The following ATP6V1H variants were observed in gnomAD, a reference collection of about 807,000 sequenced individuals.
ATP6V1H encodes the protein V-type proton ATPase subunit H.
A neutral mutation model predicts 71.7 loss-of-function variants in ATP6V1H; 39 were observed. The ratio of observed to expected loss-of-function variants is 0.54; its 90% CI spans 0.42 to 0.71. The LOEUF (loss-of-function observed/expected upper bound fraction) is 0.71. ATP6V1H is among the 30% of genes least tolerant of loss of function. ATP6V1H has a pLI of 0.00. For synonymous variants in ATP6V1H, 192 were observed against 199.3 expected (o/e 0.96, Z 0.31); for missense variants, 509 against 594.9 (o/e 0.86, Z 1.50).
intron 13 of ATP6V1H, among the ~76,000 whole-genome samples, chr8:53,724,259 G>T (rs1225600589): frequency 6.6e-6 from 1 of 152,160 alleles, no homozygotes; most frequent in Non-Finnish European, 1.5e-5. Context: ...TGCCAGTGGG[G>T]TAGGTCATAT....
At chr8:53,805,988 G>A (rs1585807876) in intron 7 of ATP6V1H, among the ~76,000 whole-genome samples, 3 of 152,164 alleles carry the variant, frequency 2.0e-5, no homozygotes, top group Admixed American at 1.3e-4. Context: ...GAGTTGAGGT[G>A]AAGGCAGTAG....
intron 6 of ATP6V1H, among the ~76,000 whole-genome samples, chr8:53,813,081 C>T (rs1810335987): frequency 1.3e-5 from 2 of 152,120 alleles, no homozygotes; most frequent in African/African-American, 4.8e-5. Context: ...ATTCTGATCC[C>T]AACCAATATG....
intron 13 of ATP6V1H, among the ~76,000 whole-genome samples, chr8:53,737,759 G>T (rs766198794): frequency 3.9e-5 from 6 of 152,210 alleles, no homozygotes; most frequent in Non-Finnish European, 7.3e-5. Flanking sequence ...ATTTAAAAAT[G>T]TAACTGCTGC....
intron 9 of ATP6V1H, among the ~76,000 whole-genome samples, chr8:53,779,439 A>G (rs1809015227): frequency 6.6e-6 from 1 of 151,620 alleles, no homozygotes; most frequent in Non-Finnish European, 1.5e-5. Flanking sequence ...AGAAGAAATC[A>G]TGATATATGA....
chr8:53,727,318 A>G (rs1044971290), intron 13 of ATP6V1H, among the ~76,000 whole-genome samples: 6 of 152,086 alleles, frequency 3.9e-5, no homozygotes, highest in Admixed American at 6.5e-5. Flanking sequence ...CCTGAAATAT[A>G]CTTGTTTTCC....
intron 9 of ATP6V1H, among the ~76,000 whole-genome samples, chr8:53,782,270 T>G (rs1646343237): frequency 6.6e-6 from 1 of 152,066 alleles, no homozygotes; most frequent in Non-Finnish European, 1.5e-5. Context: ...CCTTGTAAGT[T>G]AGATTCCTAG....
intron 13 of ATP6V1H, among the ~76,000 whole-genome samples, chr8:53,742,301 C>CAG (rs982809331): frequency 7.4e-4 from 112 of 152,262 alleles, no homozygotes; most frequent in African/African-American, 2.6e-3. Context: ...CACTAGGTGC[C>CAG]AGTAGCACCT....
intron 2 of ATP6V1H, among the ~76,000 whole-genome samples, chr8:53,836,480 G>C (rs939854265): frequency 2.0e-4 from 30 of 151,910 alleles, no homozygotes; most frequent in African/African-American, 7.0e-4. Flanking sequence ...CAGCAGGTTC[G>C]GGGCTCTGGT....
At position 53,769,384 on chromosome 8, in the gene ATP6V1H, A is replaced by G. The variant is rs148641348; in HGVS notation, c.1175+234T>C. 5.9e-3 allele frequency among the ~76,000 whole-genome samples: 899 copies of G among 152,294 alleles called. 7 individuals are homozygous for G. Among genetic ancestry groups the G allele is most frequent in the African/African-American group, 0.019 (789 of 41,570 alleles). On this transcript the variant is annotated intron_variant, in intron 11 of 13. Coordinates refer to ENST00000359530, the MANE Select transcript of ATP6V1H (RefSeq NM_015941.4). ...TATATGAGACAACAACTTCATGTTC[A>G]GAATACATATAGAACTCCTGTAGAA... is the stretch of plus-strand genomic sequence containing the variant.
chr8:53,793,952 A>C (rs1014958111), intron 9 of ATP6V1H, among the ~76,000 whole-genome samples: 1 of 152,172 alleles, frequency 6.6e-6, no homozygotes, highest in African/African-American at 2.4e-5. Context: ...AAACAAAAAA[A>C]AGTGTACAAA....
intron 12 of ATP6V1H, among the ~76,000 whole-genome samples, chr8:53,751,729 G>A (rs889103145): frequency 4.0e-5 from 6 of 151,000 alleles, no homozygotes; most frequent in African/African-American, 9.8e-5. Flanking sequence ...GAGTACAGTC[G>A]CGCAGCCTAG....
chr8:53,817,888 G>C lies in ATP6V1H; in HGVS notation c.307-358C>G, dbSNP rs369613445. Among the ~76,000 whole-genome samples, 147 of 151,882 alleles carry C rather than the reference G, an allele frequency of 9.7e-4. No homozygotes were observed. The South Asian group carries it at 0.03, about 31-fold the overall frequency. On this transcript the variant is annotated intron_variant, in intron 4 of 13. Coordinates refer to ENST00000359530, the MANE Select transcript of ATP6V1H (RefSeq NM_015941.4). Reference sequence around the variant, plus strand: ...CTGCCATACGAGGGAAATCAAAATCGGAAAGGGAGCAGGAAGAGCACAAAT... The same window carrying C: ...CTGCCATACGAGGGAAATCAAAATCCGAAAGGGAGCAGGAAGAGCACAAAT...
chr8:53,802,887 T>C (rs1224616584), intron 7 of ATP6V1H, among the ~76,000 whole-genome samples: 2 of 152,192 alleles, frequency 1.3e-5, no homozygotes, highest in Non-Finnish European at 2.9e-5. Flanking sequence ...TTCAATAACA[T>C]TGTCCCTTAG....
At chr8:53,832,908 A>G (rs1346315448) in intron 3 of ATP6V1H, 76 bp downstream of exon 3, 11 of 917,140 alleles carry the variant, frequency 1.2e-5, no homozygotes, top group Non-Finnish European at 1.9e-5. Flanking sequence ...ACTGGAAGTC[A>G]CTTATAATCA....
At chr8:53,838,915 A>C (rs1215595983) in intron 2 of ATP6V1H, among the ~76,000 whole-genome samples, 1 of 152,206 alleles carries the variant, frequency 6.6e-6, no homozygotes, top group African/African-American at 2.4e-5. Context: ...AGCCCCCAAC[A>C]ATCTGTAAGC....
chr8:53,785,777 G>T (rs187622502), intron 9 of ATP6V1H, among the ~76,000 whole-genome samples: 2 of 152,128 alleles, frequency 1.3e-5, no homozygotes, highest in African/African-American at 4.8e-5. Flanking sequence ...TTGGCTGCAG[G>T]TCTGTTGGAG....
chr8:53,814,592 A>T, intron 6 of ATP6V1H, 70 bp downstream of exon 6: 3 of 864,148 alleles, frequency 3.5e-6, no homozygotes, highest in Non-Finnish European at 5.5e-6. Flanking sequence ...TAACATATTT[A>T]CTATAAATAG....
chr8:53,840,698 A>G (rs1357238598), intron 2 of ATP6V1H, among the ~76,000 whole-genome samples: 1 of 152,184 alleles, frequency 6.6e-6, no homozygotes, highest in East Asian at 1.9e-4. Context: ...TCATTTTTGT[A>G]CATTATAGAT....
At chr8:53,826,734 G>T (rs1442703568) in intron 4 of ATP6V1H, among the ~76,000 whole-genome samples, 2 of 151,726 alleles carry the variant, frequency 1.3e-5, no homozygotes, top group Non-Finnish European at 2.9e-5. Flanking sequence ...ATCACTTAAG[G>T]TCAGGAGTTC....
Sources: allele counts gnomAD v4.1 joint callset (sites outside exome capture counted in the v4.1 genomes callset), GRCh38; gene constraint gnomAD v4.1.1; transcripts MANE v1.5; gene names NCBI Gene and HGNC (gene_info 2026-07-23, HGNC 2026-07-21).